Variants in CYRIB observed in about 807,000 individuals in gnomAD.
CYRIB encodes CYFIP-related Rac1 interactor B.
CYRIB carries 8 observed loss-of-function variants against 44.2 expected under a neutral mutation model. The observed-to-expected ratio is 0.18, with a 90% CI of 0.11 to 0.33. The LOEUF (loss-of-function observed/expected upper bound fraction) is 0.33, where lower values mean the gene tolerates loss of function less well. CYRIB is among the 10% of genes least tolerant of loss of function. The probability of loss-of-function intolerance (pLI) is 1.00; values close to 1 mark genes in which losing one functional copy is unlikely to be tolerated. For synonymous variants in CYRIB, 131 were observed against 127.2 expected, an observed-to-expected ratio of 1.03 and a Z score of -0.20; for missense variants, 185 against 382.8, an observed-to-expected ratio of 0.48 and a Z score of 4.31.
chr8:129,900,405 C>A (rs764164899), intron 2 of CYRIB, among the ~76,000 whole-genome samples: 48 of 152,284 alleles, frequency 3.2e-4, no homozygotes, highest in Non-Finnish European at 6.2e-4. Context: ...CTTTAACAGA[C>A]CTGACATTCA....
intron 9 of CYRIB, chr8:129,849,941 T>C (rs940340839): frequency 6.6e-6 from 1 of 152,300 alleles, no homozygotes; most frequent in Non-Finnish European, 1.5e-5. Flanking sequence ...AACTCAATCA[T>C]ATTCTCCTCT....
chr8:130,014,499 A>G (rs1024513909), intron 1 of CYRIB, among the ~76,000 whole-genome samples: 1 of 152,200 alleles, frequency 6.6e-6, no homozygotes, highest in Admixed American at 6.5e-5. Context: ...AAGGGTCTGC[A>G]CTGTCTCTTA....
chr8:129,882,991 T>C (rs558838326), intron 2 of CYRIB, among the ~76,000 whole-genome samples: 3 of 150,946 alleles, frequency 2.0e-5, no homozygotes, highest in Non-Finnish European at 4.4e-5. Context: ...AGGTCAGGAG[T>C]TCGAGACCAG....
intron 1 of CYRIB, among the ~76,000 whole-genome samples, chr8:129,929,465 T>A (rs191260148): frequency 1.3e-3 from 192 of 152,298 alleles, no homozygotes; most frequent in Non-Finnish European, 3.1e-4. Flanking sequence ...ATAAACTAAC[T>A]AATAATCAGT....
chr8:129,943,432 AAAAG>A (rs892079720), upstream of CYRIB, among the ~76,000 whole-genome samples: 16 of 151,584 alleles, frequency 1.1e-4, no homozygotes, highest in African/African-American at 2.4e-4. Flanking sequence ...CTGAAAAAAA[AAAAG>A]AAAGAAATTA....
chr8:129,910,678 G>A (rs923834115), intron 1 of CYRIB, among the ~76,000 whole-genome samples: 3 of 152,026 alleles, frequency 2.0e-5, no homozygotes, highest in Non-Finnish European at 4.4e-5. Context: ...TACAACTGTC[G>A]TCTCAGCTAC....
chr8:129,970,269 T>C (rs1040645301), intron 2 of CYRIB, among the ~76,000 whole-genome samples: 2 of 152,094 alleles, frequency 1.3e-5, no homozygotes, highest in African/African-American at 2.4e-5. Flanking sequence ...GTGAGGATAG[T>C]TGGGAGTCTA....
At chr8:129,918,063 C>T (rs2081626441) in intron 1 of CYRIB, among the ~76,000 whole-genome samples, 1 of 152,096 alleles carries the variant, frequency 6.6e-6, no homozygotes, top group Non-Finnish European at 1.5e-5. Context: ...CTGGCCAGTA[C>T]GTACTATCAA....
intron 2 of CYRIB, among the ~76,000 whole-genome samples, chr8:129,968,314 T>C (rs2095563523): frequency 6.6e-6 from 1 of 152,246 alleles, no homozygotes. Context: ...TTAATGATTA[T>C]TTTTCCTTTC....
chr8:130,006,596 A>ATATATATATGTG (rs2097080297), intron 1 of CYRIB, among the ~76,000 whole-genome samples: 2 of 42,790 alleles, frequency 4.7e-5, no homozygotes, highest in Non-Finnish European at 8.0e-5. Context: ...AACACAAATT[A>ATATATATATGTG]TATATATATA....
intron 1 of CYRIB, among the ~76,000 whole-genome samples, chr8:129,937,109 G>A (rs1429641815): frequency 6.6e-6 from 1 of 152,216 alleles, no homozygotes; most frequent in Non-Finnish European, 1.5e-5. Flanking sequence ...TGCTGTTACA[G>A]TCTAAGATTC....
At chr8:129,869,121 C>T (rs1315823181) in intron 4 of CYRIB, among the ~76,000 whole-genome samples, 1 of 150,506 alleles carries the variant, frequency 6.6e-6, no homozygotes, top group Non-Finnish European at 1.5e-5. Flanking sequence ...CGCGGTGGTT[C>T]ACGCCTGTAA....
chr8:129,952,204 C>T (rs2094541249), intron 2 of CYRIB, among the ~76,000 whole-genome samples: 1 of 152,120 alleles, frequency 6.6e-6, no homozygotes, highest in Admixed American at 6.5e-5. Flanking sequence ...TGCCACCATG[C>T]CCAGCTAATT....
intron 3 of CYRIB, among the ~76,000 whole-genome samples, chr8:129,876,074 T>C (rs1228698019): frequency 1.3e-5 from 2 of 151,278 alleles, no homozygotes; most frequent in Non-Finnish European, 2.9e-5. Context: ...GATCATGCCA[T>C]TGCACTCCAG....
intron 1 of CYRIB, among the ~76,000 whole-genome samples, chr8:129,978,878 G>A (rs530638978): frequency 6.6e-6 from 1 of 152,288 alleles, no homozygotes; most frequent in Admixed American, 6.5e-5. Context: ...GCTCACGTCT[G>A]TAATCCCAGC....
intron 4 of CYRIB, among the ~76,000 whole-genome samples, chr8:129,862,890 T>G: frequency 6.6e-6 from 1 of 152,212 alleles, no homozygotes; most frequent in East Asian, 1.9e-4. Flanking sequence ...CTTAGTTAGA[T>G]ACATAACTAA....
At chr8:129,958,093 G>C (rs1344354512) in intron 2 of CYRIB, among the ~76,000 whole-genome samples, 1 of 152,074 alleles carries the variant, frequency 6.6e-6, no homozygotes, top group East Asian at 1.9e-4. Flanking sequence ...AGAGATGGAG[G>C]TTGTAGTGAG....
chr8:129,861,733 GAGCAAGCACACCCAGCC>G (rs2049734307), intron 5 of CYRIB, among the ~76,000 whole-genome samples: 1 of 151,736 alleles, frequency 6.6e-6, no homozygotes, highest in Non-Finnish European at 1.5e-5. Flanking sequence ...TTACAGAAAT[GAGCAAGCACACCCAGCC>G]TATTTCTCAT....
chr8:129,969,808 G>A (rs965426905), intron 2 of CYRIB, among the ~76,000 whole-genome samples: 3 of 152,220 alleles, frequency 2.0e-5, no homozygotes, highest in Non-Finnish European at 2.9e-5. Flanking sequence ...AAAAAGCCAT[G>A]AGAACAAATG....
Sources: gnomAD v4.1 joint callset for allele counts (sites outside exome capture counted in the v4.1 genomes callset) on GRCh38, gnomAD v4.1.1 for gene constraint, MANE v1.5 for transcripts, NCBI Gene and HGNC (gene_info 2026-07-23, HGNC 2026-07-21) for gene names.